The following LCP2 variants were observed in gnomAD, a reference collection of about 807,000 sequenced individuals.
LCP2 encodes the protein 76 kDa tyrosine phosphoprotein.
LCP2 carries 29 observed loss-of-function variants against 74.5 expected under a neutral mutation model. The observed-to-expected ratio is 0.39, with a 90% CI of 0.29 to 0.53. The LOEUF is 0.53. LCP2 is among the 20% of genes least tolerant of loss of function. The probability of loss-of-function intolerance (pLI) is 0.72; values close to 1 mark genes in which losing one functional copy is unlikely to be tolerated. For synonymous variants in LCP2, 228 were observed against 229.5 expected, an observed-to-expected ratio of 0.99 and a Z score of 0.06; for missense variants, 604 against 634.6, an observed-to-expected ratio of 0.95 and a Z score of 0.52.
At chr5:170,255,135 AAC>A (rs768951543) in intron 17 of LCP2, among the ~76,000 whole-genome samples, 152 of 152,340 alleles carry the variant, frequency 1.0e-3, no homozygotes, top group Middle Eastern at 3.4e-3. Flanking sequence ...GTGTTTGCAA[AAC>A]ACAGAGAATT....
chr5:170,290,952 A>AAG (rs1491560981), intron 2 of LCP2, among the ~76,000 whole-genome samples: 2 of 116,954 alleles, frequency 1.7e-5, no homozygotes, highest in Non-Finnish European at 3.5e-5. Context: ...AGAAAGAAAG[A>AAG]AAAGAAAGAA....
rs2113156606 is a variant in LCP2, at chr5:170,256,135, C to T, written c.1150+391G>A. On this transcript the variant is annotated intron_variant, in intron 17 of 20. Transcript: ENST00000046794. This position sits in a 1 kb window ranked among gnomAD's most constrained non-coding sequence, Gnocchi z 4.5. Reference sequence around the variant, plus strand: ...AAGATTGGGGATGAGGGCTGGCTTCCTGGTGAAGTGTGTGTAGGTGTGTCC... The same window carrying T: ...AAGATTGGGGATGAGGGCTGGCTTCTTGGTGAAGTGTGTGTAGGTGTGTCC... Among the ~76,000 whole-genome samples, 1 of 152,170 alleles carries T rather than the reference C, an allele frequency of 6.6e-6. No homozygotes were observed. The highest frequency in any genetic ancestry group is 6.5e-5 in the Admixed American group (1 of 15,280).
chr5:170,277,598 T>C (rs1412424586), intron 3 of LCP2, among the ~76,000 whole-genome samples: 1 of 151,576 alleles, frequency 6.6e-6, no homozygotes, highest in African/African-American at 2.4e-5. Flanking sequence ...ACTACAAAAA[T>C]TAGTCAGGCA....
intron 2 of LCP2, among the ~76,000 whole-genome samples, chr5:170,290,075 G>C (rs1762264157): frequency 6.6e-6 from 1 of 152,196 alleles, no homozygotes; most frequent in Non-Finnish European, 1.5e-5. Flanking sequence ...AAAGATGAGA[G>C]ATGTTGAAAC....
rs1363745106 is a variant in LCP2, at chr5:170,258,918, C to CA, written c.958-41dup. On this transcript the variant is annotated intron_variant, in intron 14 of 20. Transcript: ENST00000046794. The stretch of plus-strand genomic sequence containing the variant: ...AAAAAAAAAGATATTAAGCTATCAT[C>CA]AAAATACAATTCTTAAAATAAAAAC... The CA allele has an allele frequency of 2.1e-6, 3 of 1,426,752 alleles. No individual in the cohort carries two copies. The South Asian group carries it at 3.7e-5, about 18-fold the overall frequency. 88.4% of individuals were successfully genotyped at this position (1,426,752 alleles called of 1,614,324 possible).
intron 3 of LCP2, chr5:170,287,765 C>T (rs1191444737): frequency 3.8e-5 from 23 of 598,610 alleles, no homozygotes; most frequent in Non-Finnish European, 6.6e-5. Flanking sequence ...GCATCCAGGT[C>T]ACCAGCTGGG....
intron 17 of LCP2, among the ~76,000 whole-genome samples, chr5:170,255,473 A>AT (rs1184434855): frequency 6.6e-6 from 1 of 152,236 alleles, no homozygotes; most frequent in Non-Finnish European, 1.5e-5. Flanking sequence ...TCTTCACAGC[A>AT]TTTTTTAAAA....
At position 170,248,594 on chromosome 5, in the gene LCP2, G is replaced by A. The variant is rs2113141611; in HGVS notation, c.*103C>T. ...GATAAAACCCTTGTGTTCATGGGGAGGGGTTCAGTTCAGTCCTAAGTGTTT... is the reference window on the plus strand; with the variant it reads ...GATAAAACCCTTGTGTTCATGGGGAAGGGTTCAGTTCAGTCCTAAGTGTTT... On this transcript the variant is annotated 3_prime_UTR_variant, in exon 21 of 21. Coordinates refer to ENST00000046794, the MANE Select transcript of LCP2 (RefSeq NM_005565.5). 1 of 1,208,346 alleles carries A rather than the reference G, an allele frequency of 8.3e-7. No individual in the cohort carries two copies. The allele number at this position is 1,208,346 out of a possible 1,614,324, so 74.9% of individuals were successfully genotyped here. A position where few individuals can be genotyped will look rare whatever the true frequency, so the allele number is the denominator to read the frequency against.
intron 10 of LCP2, among the ~76,000 whole-genome samples, chr5:170,265,333 G>T (rs1319005840): frequency 1.3e-5 from 2 of 152,254 alleles, no homozygotes; most frequent in Middle Eastern, 3.4e-3. Flanking sequence ...AAAAGTCTCA[G>T]GTGGGGTGTA....
chr5:170,272,594 T>TTTG, intron 6 of LCP2, among the ~76,000 whole-genome samples: 1 of 135,232 alleles, frequency 7.4e-6, no homozygotes, highest in African/African-American at 3.0e-5. Flanking sequence ...CATCAAATAT[T>TTTG]TTCTTTTTTT....
intron 3 of LCP2, 56 bp from the exon 4 acceptor site, chr5:170,275,916 C>A (rs968033545): frequency 6.9e-7 from 1 of 1,448,614 alleles, no homozygotes; most frequent in Non-Finnish European, 9.5e-7. Flanking sequence ...CTCAACCTTC[C>A]CCCTGACCCT....
chr5:170,269,446 T>C (rs115404810), intron 7 of LCP2, among the ~76,000 whole-genome samples: 207 of 152,346 alleles, frequency 1.4e-3, no homozygotes, highest in Middle Eastern at 6.8e-3. Context: ...CCTGATCTAA[T>C]TCCACCCTGC....
Position 170,257,697 on chromosome 5 carries a change from A to C in LCP2, c.1100+340T>G, listed in dbSNP as rs17739336. 6.7e-3 allele frequency among the ~76,000 whole-genome samples: 1,025 copies of C among 152,238 alleles called. 36 individuals are homozygous for C. Among genetic ancestry groups the C allele is most frequent in the East Asian group, 0.058 (298 of 5,168 alleles). ...CCCAACTAAGATGCAGATGAACTTCAAGTACTTAGACTAACTGGGTTTCTT... is the reference window on the plus strand; with the variant it reads ...CCCAACTAAGATGCAGATGAACTTCCAGTACTTAGACTAACTGGGTTTCTT... On this transcript the variant is annotated intron_variant, in intron 16 of 20. Coordinates refer to ENST00000046794, the MANE Select transcript of LCP2 (RefSeq NM_005565.5).
chr5:170,250,587 C>A, intron 20 of LCP2, 143 bp downstream of exon 20: 1 of 656,338 alleles, frequency 1.5e-6, no homozygotes, highest in South Asian at 1.9e-5. Flanking sequence ...CTTTATTTCT[C>A]TTCCAATAAA....
Position 170,247,937 on chromosome 5 carries a change from A to G in LCP2, c.*760T>C, listed in dbSNP as rs115807981. The G allele has an allele frequency of 6.6e-6, 1 of 152,360 alleles. No individual in the cohort carries two copies. Among genetic ancestry groups the G allele is most frequent in the African/African-American group, 2.4e-5 (1 of 41,582 alleles). The allele number at this position is 152,360 out of a possible 1,614,324, so 9.4% of individuals were successfully genotyped here. A position where few individuals can be genotyped will look rare whatever the true frequency, so the allele number is the denominator to read the frequency against. ...TGCCAACTTAACCCCAGATGTGTTC[A>G]TTAAACCTAGACCCACGATACACCA... On this transcript the variant is annotated 3_prime_UTR_variant, in exon 21 of 21. Coordinates refer to ENST00000046794, the MANE Select transcript of LCP2 (RefSeq NM_005565.5).
intron 3 of LCP2, among the ~76,000 whole-genome samples, chr5:170,282,996 T>A (rs1449515057): frequency 1.3e-5 from 2 of 152,198 alleles, no homozygotes; most frequent in African/African-American, 4.8e-5. Context: ...GTGTCCCAGG[T>A]CACACAACTC....
Position 170,270,718 on chromosome 5 carries a change from C to T in LCP2, c.523+1G>A. On this transcript the variant is annotated splice_donor_variant, in intron 7 of 20. Coordinates refer to ENST00000046794, the MANE Select transcript of LCP2 (RefSeq NM_005565.5). LOFTEE classifies it high-confidence loss of function. Reference sequence around the variant, plus strand: ...CAGAAAATCCGGAAACGGGCCCTTACCGATGTACATGGAGTTGGAGTTGGG... The same window carrying T: ...CAGAAAATCCGGAAACGGGCCCTTATCGATGTACATGGAGTTGGAGTTGGG... The T allele has an allele frequency of 6.4e-7, 1 of 1,570,330 alleles. No homozygotes were observed. Among genetic ancestry groups the T allele is most frequent in the East Asian group, 2.4e-5 (1 of 41,818 alleles).
chr5:170,290,174 T>C (rs199819539), intron 2 of LCP2, among the ~76,000 whole-genome samples: 3 of 152,328 alleles, frequency 2.0e-5, no homozygotes, highest in East Asian at 3.9e-4. Context: ...ATTTGCATGA[T>C]GATTTTGGAG....
intron 1 of LCP2, among the ~76,000 whole-genome samples, chr5:170,295,126 A>C (rs2113220616): frequency 6.6e-6 from 1 of 152,340 alleles, no homozygotes; most frequent in East Asian, 1.9e-4. Flanking sequence ...ATTAGGACAC[A>C]CAGCTCTGAG....
Sources: allele counts gnomAD v4.1 joint callset (sites outside exome capture counted in the v4.1 genomes callset), GRCh38; gene constraint gnomAD v4.1.1; non-coding constraint Gnocchi (gnomAD v3.1); transcripts MANE v1.5; gene names NCBI Gene and HGNC (gene_info 2026-07-23, HGNC 2026-07-21).